STXBP3: variants seen among roughly 807,000 people sequenced by gnomAD.
The protein encoded by STXBP3 is syntaxin-binding protein 3.
Under a neutral mutation model 85.7 loss-of-function variants are expected in STXBP3, and 41 were observed. The ratio of observed to expected loss-of-function variants is 0.48; its 90% CI spans 0.37 to 0.62. The LOEUF is 0.62. STXBP3 is among the 20% of genes least tolerant of loss of function. The pLI, the probability that STXBP3 is intolerant of heterozygous loss-of-function variation, is 0.00. For missense variants in STXBP3, 563 were observed against 703.1 expected, an observed-to-expected ratio of 0.80 and a Z score of 2.25; for synonymous variants, 229 against 231.7, an observed-to-expected ratio of 0.99 and a Z score of 0.10.
At chr1:108,773,176 C>T (rs1291986725) in intron 7 of STXBP3, among the ~76,000 whole-genome samples, 2 of 152,160 alleles carry the variant, frequency 1.3e-5, no homozygotes, top group Non-Finnish European at 2.9e-5. Context: ...ATACCTGTTA[C>T]AATGTCAAAG....
At chr1:108,776,656 C>T (rs1213396085) in intron 8 of STXBP3, among the ~76,000 whole-genome samples, 3 of 152,142 alleles carry the variant, frequency 2.0e-5, no homozygotes, top group African/African-American at 7.2e-5. Flanking sequence ...GTGTCCAAAT[C>T]TAGTTCTGCC....
intron 11 of STXBP3, among the ~76,000 whole-genome samples, chr1:108,790,473 G>A (rs1332161249): frequency 1.3e-5 from 2 of 151,836 alleles, no homozygotes; most frequent in Non-Finnish European, 2.9e-5. Flanking sequence ...TATTTAAAAT[G>A]TGCTTCTTAA....
rs577906824 is a variant in STXBP3, at chr1:108,790,164, A to G, written c.964-3418A>G. ...TTTTTTACCTGCTCTGTCAGTTACT[A>G]GAAGTGGTATATTAAAAACTCTGAT... On this transcript the variant is annotated intron_variant, in intron 11 of 18. Coordinates refer to ENST00000370008, the MANE Select transcript of STXBP3 (RefSeq NM_007269.4). Among the ~76,000 whole-genome samples, 52 of 152,222 alleles carry G rather than the reference A, an allele frequency of 3.4e-4. 1 individual carries two copies. In the South Asian group the frequency reaches 9.7e-3, roughly 29 times the overall value.
intron 6 of STXBP3, among the ~76,000 whole-genome samples, chr1:108,769,195 T>G (rs1286866490): frequency 6.6e-6 from 1 of 152,152 alleles, no homozygotes; most frequent in East Asian, 1.9e-4. Context: ...TACTATTAAA[T>G]AGAAGTGGAT....
intron 6 of STXBP3, among the ~76,000 whole-genome samples, chr1:108,762,323 G>A (rs907759995): frequency 3.5e-4 from 54 of 152,178 alleles, no homozygotes; most frequent in African/African-American, 1.2e-3. Context: ...TGGACTTTCA[G>A]TGGATTACAC....
chr1:108,757,850 TATG>T (rs1458433673), intron 4 of STXBP3, among the ~76,000 whole-genome samples: 2 of 152,028 alleles, frequency 1.3e-5, no homozygotes, highest in Non-Finnish European at 2.9e-5. Context: ...TAATAGACCA[TATG>T]ATGATATCTG....
intron 6 of STXBP3, among the ~76,000 whole-genome samples, chr1:108,771,505 G>GATATATATCTATATATATC (rs1209219859): frequency 7.0e-5 from 3 of 42,588 alleles, no homozygotes; most frequent in African/African-American, 2.4e-4. Flanking sequence ...AAATATATAT[G>GATATATATCTATATATATC]ATATATAAAT....
At chr1:108,779,111 T>C (rs540554133) in intron 8 of STXBP3, among the ~76,000 whole-genome samples, 175 bp from the exon 9 acceptor site, 106 of 152,350 alleles carry the variant, frequency 7.0e-4, no homozygotes, top group South Asian at 5.0e-3. Flanking sequence ...TTCTTTGTTT[T>C]ATTATAACTT....
chr1:108,784,463 T>A (rs1230065460), intron 11 of STXBP3, among the ~76,000 whole-genome samples: 1 of 152,214 alleles, frequency 6.6e-6, no homozygotes, highest in Non-Finnish European at 1.5e-5. Flanking sequence ...AAGAATAGCA[T>A]GGGGCAAACC....
chr1:108,805,264 T>C (rs781715855), intron 17 of STXBP3, among the ~76,000 whole-genome samples: 2 of 152,188 alleles, frequency 1.3e-5, no homozygotes, highest in African/African-American at 2.4e-5. Context: ...TAATACGTCC[T>C]TGACTTTGGG....
chr1:108,802,981 C>T (rs1663262564), intron 17 of STXBP3, among the ~76,000 whole-genome samples: 2 of 152,182 alleles, frequency 1.3e-5, no homozygotes, highest in Non-Finnish European at 2.9e-5. Context: ...CATCTGTTTT[C>T]CACATGATAG....
intron 11 of STXBP3, among the ~76,000 whole-genome samples, chr1:108,789,608 T>A (rs144172568): frequency 6.6e-6 from 1 of 152,218 alleles, no homozygotes; most frequent in African/African-American, 2.4e-5. Flanking sequence ...TAACCCTTAT[T>A]ATGATTTCTT....
chr1:108,796,755 T>C, intron 15 of STXBP3, 29 bp downstream of exon 15: 5 of 1,574,986 alleles, frequency 3.2e-6, no homozygotes, highest in Non-Finnish European at 4.3e-6. Flanking sequence ...TGTATATACT[T>C]TATATGTATG....
chr1:108,768,323 C>T (rs116281342), intron 6 of STXBP3, among the ~76,000 whole-genome samples: 13 of 152,156 alleles, frequency 8.5e-5, no homozygotes, highest in Non-Finnish European at 1.8e-4. Context: ...TGGTCTCGAA[C>T]TCCCGGGTTC....
intron 12 of STXBP3, 65 bp downstream of exon 12, chr1:108,793,712 T>C (rs1399200585): frequency 2.1e-6 from 3 of 1,407,482 alleles, no homozygotes; most frequent in Admixed American, 3.7e-5. Context: ...TATTCAGTTC[T>C]GTAGTTCGAT....
intron 17 of STXBP3, among the ~76,000 whole-genome samples, chr1:108,802,864 C>CT (rs937150096): frequency 6.6e-6 from 1 of 152,108 alleles, no homozygotes; most frequent in South Asian, 2.1e-4. Context: ...CTGCAGCCTG[C>CT]TTTTTTGTTT....
At chr1:108,795,691 C>G (rs1663075943) in intron 13 of STXBP3, among the ~76,000 whole-genome samples, 1 of 152,074 alleles carries the variant, frequency 6.6e-6, no homozygotes, top group Non-Finnish European at 1.5e-5. Context: ...TGGCTAGTGG[C>G]CACAGTACTG....
chr1:108,786,273 C>A (rs554009777), intron 11 of STXBP3, among the ~76,000 whole-genome samples: 1 of 152,172 alleles, frequency 6.6e-6, no homozygotes, highest in South Asian at 2.1e-4. Context: ...AGGAGGAAGC[C>A]CCTTATAAGA....
At chr1:108,761,468 T>G (rs1376338585) in intron 6 of STXBP3, among the ~76,000 whole-genome samples, 1 of 152,126 alleles carries the variant, frequency 6.6e-6, no homozygotes, top group African/African-American at 2.4e-5. Context: ...AATTCTGCAG[T>G]TGCTGCATTT....
Sources: gnomAD v4.1 joint callset for allele counts (sites outside exome capture counted in the v4.1 genomes callset) on GRCh38, gnomAD v4.1.1 for gene constraint, MANE v1.5 for transcripts, NCBI Gene and HGNC (gene_info 2026-07-23, HGNC 2026-07-21) for gene names.